Variants in RCSD1 observed in about 807,000 individuals in gnomAD.
RCSD1 encodes the protein RCSD domain containing 1.
Under a neutral mutation model 42.5 loss-of-function variants are expected in RCSD1, and 26 were observed. The ratio of observed to expected loss-of-function variants is 0.61; its 90% CI spans 0.45 to 0.85. The LOEUF is 0.85. Among genes scored for constraint, RCSD1 ranks in the 40% least tolerant of loss-of-function variants. The pLI, the probability that RCSD1 is intolerant of heterozygous loss-of-function variation, is 0.00. For missense variants in RCSD1, 571 were observed against 528.3 expected, an observed-to-expected ratio of 1.08 and a Z score of -0.79; for synonymous variants, 220 against 212.2, an observed-to-expected ratio of 1.04 and a Z score of -0.32.
At chr1:167,701,016 C>T (rs1411354939) in intron 6 of RCSD1, among the ~76,000 whole-genome samples, 1 of 152,152 alleles carries the variant, frequency 6.6e-6, no homozygotes, top group Admixed American at 6.5e-5. Flanking sequence ...ACTCCAGGAG[C>T]TCTGGGGCAG....
rs41270728 is a variant in RCSD1 at position 167,690,128 on chromosome 1, C to T, written c.270+8C>T. 1,395 of 1,613,330 alleles carry T rather than the reference C, an allele frequency of 8.6e-4. 3 individuals carry two copies. Among genetic ancestry groups the T allele is most frequent in the Non-Finnish European group, 1.1e-3 (1,286 of 1,179,472 alleles). The stretch of plus-strand genomic sequence containing the variant: ...CTGATTGAGAAGCTTCAGGTAAGTG[C>T]AGAATTCATTGTCTATTGCTACCTT... On this transcript the variant is annotated splice_region_variant and intron_variant, in intron 4 of 6. Coordinates refer to ENST00000367854, the MANE Select transcript of RCSD1 (RefSeq NM_052862.4).
At chr1:167,679,259 C>G (rs1324667265) in intron 1 of RCSD1, among the ~76,000 whole-genome samples, 1 of 152,206 alleles carries the variant, frequency 6.6e-6, no homozygotes, top group African/African-American at 2.4e-5. Context: ...CCAGTTTCCT[C>G]TTTTAGAGAG....
chr1:167,633,741 G>A (rs577724048), intron 1 of RCSD1: 5 of 152,380 alleles, frequency 3.3e-5, no homozygotes, highest in African/African-American at 9.6e-5. Flanking sequence ...GAGGCAGCTG[G>A]CAGCAGTGAT....
Position 167,694,579 on chromosome 1 carries a change from T to C in RCSD1, c.474+277T>C, listed in dbSNP as rs118135576. ...GGGGGATGGCGTGCTCTCTCCTTTGTGGAGAAAGGTATGGAAATTCAGGAT... is the reference window on the plus strand; with the variant it reads ...GGGGGATGGCGTGCTCTCTCCTTTGCGGAGAAAGGTATGGAAATTCAGGAT... On this transcript the variant is annotated intron_variant, in intron 5 of 6. Transcript: ENST00000367854. Among the ~76,000 whole-genome samples, 61 of 152,258 alleles carry C rather than the reference T, an allele frequency of 4.0e-4. No homozygotes were observed. In the East Asian group the frequency reaches 8.1e-3, roughly 20 times the overall value.
chr1:167,671,274 C>CCCA (rs967910522), intron 1 of RCSD1, among the ~76,000 whole-genome samples: 17 of 152,196 alleles, frequency 1.1e-4, no homozygotes, highest in African/African-American at 3.6e-4. Flanking sequence ...CTAAAAAGCA[C>CCCA]CCACAAATAG....
chr1:167,678,772 C>A (rs746484064), intron 1 of RCSD1, among the ~76,000 whole-genome samples: 2 of 152,200 alleles, frequency 1.3e-5, no homozygotes, highest in African/African-American at 2.4e-5. Flanking sequence ...TAGCTGGCCT[C>A]ACACTACCAC....
chr1:167,639,004 T>G (rs574486600), intron 1 of RCSD1, among the ~76,000 whole-genome samples: 1 of 152,120 alleles, frequency 6.6e-6, no homozygotes, highest in South Asian at 2.1e-4. Flanking sequence ...GATCACGAGG[T>G]CAGGAGATTG....
rs1657662565 is a variant in RCSD1, at chr1:167,630,315, C to G, written c.-109C>G. On this transcript the variant is annotated 5_prime_UTR_variant, in exon 1 of 7. Coordinates refer to ENST00000367854, the MANE Select transcript of RCSD1 (RefSeq NM_052862.4). ...CGCCACCGCCCACTCGCCCTGTGCC[C>G]GCCGCAGCCCGAAACTGGCCACGGC... 8.2e-7 allele frequency: 1 copy of G among 1,224,232 alleles called. No homozygotes were observed. The highest frequency in any genetic ancestry group is 3.2e-5 in the South Asian group (1 of 30,858). 75.8% of individuals were successfully genotyped at this position (1,224,232 alleles called of 1,614,324 possible).
intron 1 of RCSD1, among the ~76,000 whole-genome samples, chr1:167,678,750 T>C (rs1571698264): frequency 6.6e-6 from 1 of 152,216 alleles, no homozygotes; most frequent in Non-Finnish European, 1.5e-5. Context: ...CTCTGGTCCA[T>C]GAGGCCCAAT....
intron 6 of RCSD1, among the ~76,000 whole-genome samples, chr1:167,698,997 A>G (rs139357158): frequency 1.3e-5 from 2 of 151,518 alleles, no homozygotes; most frequent in Non-Finnish European, 2.9e-5. Flanking sequence ...GACGGGTTTC[A>G]CCGTGTTAGC....
chr1:167,654,580 G>A (rs1290717182), intron 1 of RCSD1, among the ~76,000 whole-genome samples: 12 of 152,162 alleles, frequency 7.9e-5, no homozygotes, highest in Non-Finnish European at 1.2e-4. Context: ...TTACCTTTCT[G>A]GAAGGAGAGA....
intron 1 of RCSD1, among the ~76,000 whole-genome samples, chr1:167,650,576 C>T (rs1438971844): frequency 6.6e-6 from 1 of 152,230 alleles, no homozygotes. Context: ...TGCTCTCTAA[C>T]CAGAAGGACC....
At position 167,630,439 on chromosome 1, in the gene RCSD1, C is replaced by T; in HGVS notation, c.6+10C>T. On this transcript the variant is annotated intron_variant, in intron 1 of 6. Transcript: ENST00000367854. ...CCTGAAGGACATGGAGGTAAAGGAC[C>T]CCGGAGGGAGACGCGGGGCTGAGCG... 1.9e-6 allele frequency: 3 copies of T among 1,540,540 alleles called. No homozygotes were observed. The highest frequency in any genetic ancestry group is 1.9e-5 in the Admixed American group (1 of 52,342).
At chr1:167,682,320 C>T (rs1659102117) in intron 1 of RCSD1, among the ~76,000 whole-genome samples, 1 of 152,148 alleles carries the variant, frequency 6.6e-6, no homozygotes, top group Admixed American at 6.5e-5. Context: ...CAGGTGCACA[C>T]CACCACACCC....
intron 1 of RCSD1, 37 bp downstream of exon 1, chr1:167,630,466 T>C (rs1657667663): frequency 1.3e-6 from 2 of 1,523,368 alleles, no homozygotes; most frequent in South Asian, 1.3e-5. Flanking sequence ...GGCTGAGCGG[T>C]GAGCGGTGTA....
In RCSD1 at chr1:167,690,170, C is replaced by T. The variant is rs776210951; in HGVS notation, c.270+50C>T. The T allele has an allele frequency of 9.5e-6, 15 of 1,575,692 alleles. No homozygotes were observed. In the East Asian group the frequency reaches 3.4e-4, roughly 35 times the overall value. The stretch of plus-strand genomic sequence containing the variant: ...TGCTACCTTTTATCTAACTCCACTT[C>T]TTATCCAAAATTTGCATGACTTTGA... On this transcript the variant is annotated intron_variant, in intron 4 of 6. Transcript: ENST00000367854.
chr1:167,697,943 G>A lies in RCSD1; in HGVS notation c.1218+101G>A, dbSNP rs1297430125. ...GTACAGTCCCTTCATAAATCAGCTCGACATGCAGAAACAAAGGTGCCAGGC... is the reference window on the plus strand; with the variant it reads ...GTACAGTCCCTTCATAAATCAGCTCAACATGCAGAAACAAAGGTGCCAGGC... On this transcript the variant is annotated intron_variant, in intron 6 of 6. Transcript: ENST00000367854. 1.1e-5 allele frequency: 14 copies of A among 1,273,698 alleles called. No homozygotes were observed. In the South Asian group the frequency reaches 1.2e-4, roughly 11 times the overall value. The allele number at this position is 1,273,698 out of a possible 1,614,324, so 78.9% of individuals were successfully genotyped here.
rs573049479 is a variant in RCSD1, at chr1:167,707,813, A to G, written c.*3117A>G. Among the ~76,000 whole-genome samples the G allele has an allele frequency of 8.7e-4, 132 of 152,046 alleles. No individual in the cohort carries two copies. Among genetic ancestry groups the G allele is most frequent in the Non-Finnish European group, 1.7e-3 (118 of 67,994 alleles). On this transcript the variant is annotated 3_prime_UTR_variant, in exon 7 of 7. Coordinates refer to ENST00000367854, the MANE Select transcript of RCSD1 (RefSeq NM_052862.4). ...TCCCAAGTACTGCAGTTACTTTTGC[A>G]CCAACCTAATAGCTCGGATTACAAG...
intron 1 of RCSD1, among the ~76,000 whole-genome samples, chr1:167,670,952 A>T (rs1395229020): frequency 3.9e-5 from 6 of 152,174 alleles, no homozygotes; most frequent in Non-Finnish European, 7.3e-5. Flanking sequence ...AAATCAACAG[A>T]ATATTGACTC....
Sources: gnomAD v4.1 joint callset for allele counts (sites outside exome capture counted in the v4.1 genomes callset) on GRCh38, gnomAD v4.1.1 for gene constraint, MANE v1.5 for transcripts, NCBI Gene and HGNC (gene_info 2026-07-23, HGNC 2026-07-21) for gene names.